Variants in MIDEAS observed in about 807,000 individuals in gnomAD.
MIDEAS encodes the protein mitotic deacetylase associated SANT domain protein, also known as mitotic deacetylase-associated SANT domain protein.
In MIDEAS, 26 loss-of-function variants were observed where a neutral mutation model predicts 102.7. The observed-to-expected ratio is 0.25, with a 90% CI of 0.19 to 0.35. The LOEUF (loss-of-function observed/expected upper bound fraction) is 0.35, where lower values mean the gene tolerates loss of function less well. Ranked by LOEUF, MIDEAS falls within the 10% of genes least tolerant of loss-of-function variation. MIDEAS has a pLI of 1.00. For synonymous variants in MIDEAS, 585 were observed against 591.0 expected, an observed-to-expected ratio of 0.99 and a Z score of 0.15; for missense variants, 1,231 against 1,435.6, an observed-to-expected ratio of 0.86 and a Z score of 2.30.
In MIDEAS at chr14:73,726,864, C is replaced by T. The variant is rs770588504; in HGVS notation, c.2271G>A (p.Glu757=). ...GCTTCTCCCGGCTGCTCTCTAGGTC[C>T]TCCCATGGCTGCCACACCAAGTCAG... ...HKADLVWQPW[E]DLESSREKQR... is the part of the protein sequence containing the mutation. The change falls in exon 6 of 13, where the codon GAG becomes GAA. Residue 757 remains glutamate (E), a synonymous_variant. Coordinates refer to ENST00000423556, the MANE Select transcript of MIDEAS (RefSeq NM_001367710.1). 16 of 1,612,310 alleles carry T rather than the reference C, an allele frequency of 9.9e-6. No homozygotes were observed. The African/African-American group carries it at 1.5e-4, about 15-fold the overall frequency.
chr14:73,774,268 G>A (rs758177969), intron 1 of MIDEAS, among the ~76,000 whole-genome samples: 1 of 151,752 alleles, frequency 6.6e-6, no homozygotes, highest in Non-Finnish European at 1.5e-5. Flanking sequence ...ATAGACAAAC[G>A]GAGACTGCAA....
intron 4 of MIDEAS, 93 bp from the exon 5 acceptor site, chr14:73,727,617 G>T: frequency 8.2e-7 from 1 of 1,226,094 alleles, no homozygotes; most frequent in Non-Finnish European, 1.1e-6. Context: ...AAGAGTCACA[G>T]TGGTGACACA....
At chr14:73,736,272 G>A (rs2140117705) in intron 3 of MIDEAS, among the ~76,000 whole-genome samples, 1 of 152,246 alleles carries the variant, frequency 6.6e-6, no homozygotes, top group Non-Finnish European at 1.5e-5. Context: ...TAATAACATT[G>A]CATCAAAATG....
chr14:73,776,411 T>C (rs2053688595), intron 1 of MIDEAS, among the ~76,000 whole-genome samples: 2 of 151,662 alleles, frequency 1.3e-5, no homozygotes, highest in South Asian at 4.2e-4. Context: ...TGGCCAGGTA[T>C]GGTGGCTCAT....
At chr14:73,737,456 T>G (rs923287720) in intron 2 of MIDEAS, among the ~76,000 whole-genome samples, 159 bp from the exon 3 acceptor site, 1 of 152,074 alleles carries the variant, frequency 6.6e-6, no homozygotes, top group Non-Finnish European at 1.5e-5. Context: ...ACACCTCGTC[T>G]CTACAGAAAA....
intron 1 of MIDEAS, among the ~76,000 whole-genome samples, chr14:73,749,570 TA>T (rs1173146408): frequency 2.7e-5 from 4 of 147,488 alleles, no homozygotes; most frequent in Non-Finnish European, 6.0e-5. Context: ...TTTTATATAT[TA>T]TATAATATAA....
intron 11 of MIDEAS, among the ~76,000 whole-genome samples, chr14:73,720,236 C>CTTT (rs33980532): frequency 1.5e-4 from 18 of 116,760 alleles, no homozygotes; most frequent in East Asian, 6.9e-4. Flanking sequence ...ACACACATTC[C>CTTT]TTTTTTTTTT....
rs748193694 is a variant in MIDEAS at position 73,739,515 on chromosome 14, A to G, written c.494T>C (p.Leu165Pro). ...TGGGCCCCCCGCTTTCTCCCGCTTC[A>G]GTGCCTCAGGGTGGTTATAGTAAGT... is the stretch of plus-strand genomic sequence containing the variant. ...VPTYYNHPEA[L>P]KREKAGGPQL... The change falls in exon 2 of 13, where the codon CTG becomes CCG. Residue 165 changes from leucine to proline, a missense_variant. Coordinates refer to ENST00000423556, the MANE Select transcript of MIDEAS (RefSeq NM_001367710.1). 1.9e-6 allele frequency: 3 copies of G among 1,613,948 alleles called. No homozygotes were observed. The highest frequency in any genetic ancestry group is 1.7e-6 in the Non-Finnish European group (2 of 1,179,862).
At chr14:73,751,062 G>A (rs752528720) in intron 1 of MIDEAS, among the ~76,000 whole-genome samples, 2 of 152,200 alleles carry the variant, frequency 1.3e-5, no homozygotes, top group Non-Finnish European at 2.9e-5. Flanking sequence ...TGTTGCTCAG[G>A]CTGGTCTTGA....
chr14:73,738,495 G>A (rs951723699), intron 2 of MIDEAS, 65 bp downstream of exon 2: 2 of 1,435,570 alleles, frequency 1.4e-6, no homozygotes, highest in African/African-American at 2.9e-5. Flanking sequence ...AGCAAATCCT[G>A]CAGCCGCCCA....
intron 12 of MIDEAS, 64 bp downstream of exon 12, chr14:73,719,241 A>ACCCCCCCCCCCCC: frequency 5.7e-6 from 2 of 350,420 alleles, no homozygotes; most frequent in Non-Finnish European, 4.2e-6. Context: ...CCTCCACCCC[A>ACCCCCCCCCCCCC]CCCCCGCCCC....
chr14:73,784,441 G>C (rs1052774285), intron 1 of MIDEAS, among the ~76,000 whole-genome samples: 1 of 152,234 alleles, frequency 6.6e-6, no homozygotes, highest in African/African-American at 2.4e-5. Context: ...CAGCTCCCTG[G>C]AGCCTGGCTT....
Position 73,740,019 on chromosome 14 carries a change from A to G in MIDEAS, c.-11T>C. ...GGCCTGGAGGTTCATGATGTGGCCA[A>G]CTGAGCCCTGGCGGTGAGATCCCCT... On this transcript the variant is annotated 5_prime_UTR_variant, in exon 2 of 13. Transcript: ENST00000423556. 1.4e-6 allele frequency: 2 copies of G among 1,475,598 alleles called. No homozygotes were observed. The highest frequency in any genetic ancestry group is 4.8e-5 in the East Asian group (2 of 41,850). The allele number at this position is 1,475,598 out of a possible 1,614,324, so 91.4% of individuals were successfully genotyped here. A position where few individuals can be genotyped will look rare whatever the true frequency, so the allele number is the denominator to read the frequency against.
chr14:73,739,489 G>C lies in MIDEAS; in HGVS notation c.520C>G (p.Gln174Glu), dbSNP rs1234594767. ...ALKREKAGGP[Q>E]LDRYVRPMMP... ...ATTGGTCGCACATAGCGGTCCAGCT[G>C]TGGGCCCCCCGCTTTCTCCCGCTTC... The change falls in exon 2 of 13, where the codon CAG (glutamine) becomes GAG (glutamate). Residue 174 changes from glutamine to glutamate, a missense_variant. Gln to Glu is a conservative substitution (Grantham distance 29). Around this residue, in one of 5 missense-constraint regions of MIDEAS, gnomAD observed 758 missense variants for 856.0 expected, o/e 0.89. Coordinates refer to ENST00000423556, the MANE Select transcript of MIDEAS (RefSeq NM_001367710.1). The C allele has an allele frequency of 6.2e-7, 1 of 1,612,160 alleles. No homozygotes were observed. The highest frequency in any genetic ancestry group is 2.2e-5 in the East Asian group (1 of 44,904).
At chr14:73,782,725 C>G (rs1010709058) in intron 1 of MIDEAS, among the ~76,000 whole-genome samples, 6 of 152,230 alleles carry the variant, frequency 3.9e-5, no homozygotes, top group African/African-American at 1.4e-4. Context: ...ACTATCTCAC[C>G]TCAGAGCCAG....
rs140926308 is a variant in MIDEAS at position 73,737,314 on chromosome 14, C to G, written c.1450-17G>C. 29 of 1,598,616 alleles carry G rather than the reference C, an allele frequency of 1.8e-5. No homozygotes were observed. Among genetic ancestry groups the G allele is most frequent in the East Asian group, 1.6e-4 (7 of 44,446 alleles). ...ACTGCCATCCTGGACAAGATGGGAA[C>G]AGAAGTGCAATTTAAAAGGTAAGTC... On this transcript the variant is annotated splice_polypyrimidine_tract_variant and intron_variant, in intron 2 of 12. Transcript: ENST00000423556.
At chr14:73,761,021 G>T (rs2053549640), upstream of MIDEAS, among the ~76,000 whole-genome samples, 1 of 152,176 alleles carries the variant, frequency 6.6e-6, no homozygotes, top group Non-Finnish European at 1.5e-5. Context: ...GGGCTCTAGG[G>T]CCAGGGGAAA....
intron 1 of MIDEAS, among the ~76,000 whole-genome samples, chr14:73,779,569 T>A (rs2053729138): frequency 2.1e-5 from 1 of 47,774 alleles, no homozygotes; most frequent in Non-Finnish European, 3.5e-5. Flanking sequence ...TTATTATTAT[T>A]ATTATTTTTT....
intron 10 of MIDEAS, 27 bp from the exon 11 acceptor site, chr14:73,721,536 G>A (rs1218857808): frequency 6.2e-7 from 1 of 1,601,190 alleles, no homozygotes; most frequent in Non-Finnish European, 8.6e-7. Context: ...CAAGGGCAGT[G>A]AGCCTAGAGC....
Sources: allele counts gnomAD v4.1 joint callset (sites outside exome capture counted in the v4.1 genomes callset), GRCh38; gene constraint gnomAD v4.1.1; regional missense constraint gnomAD v4.1.1; transcripts MANE v1.5; gene names NCBI Gene and HGNC (gene_info 2026-07-23, HGNC 2026-07-21).